The following ANKFN1 variants were observed in gnomAD, a reference collection of about 807,000 sequenced individuals.
ANKFN1 encodes ankyrin repeat and fibronectin type-III domain-containing protein 1.
ANKFN1 carries 74 observed loss-of-function variants against 108.7 expected under a neutral mutation model. The ratio of observed to expected loss-of-function variants is 0.68; its 90% confidence interval spans 0.56 to 0.83. The LOEUF is 0.83. Ranked by LOEUF, ANKFN1 falls within the 40% of genes least tolerant of loss-of-function variation. The pLI is 0.00. For synonymous variants in ANKFN1, 547 were observed against 516.2 expected (o/e 1.06, Z -0.81); for missense variants, 1,505 against 1,382.3 (o/e 1.09, Z -1.41).
intron 1 of ANKFN1, among the ~76,000 whole-genome samples, chr17:56,180,986 A>G (rs1028328570): frequency 2.6e-5 from 4 of 152,286 alleles, no homozygotes; most frequent in East Asian, 1.9e-4. Flanking sequence ...GTTGCCTTAC[A>G]TTATGTGTAG....
chr17:56,430,693 A>T (rs944531287), intron 8 of ANKFN1, among the ~76,000 whole-genome samples: 1 of 152,210 alleles, frequency 6.6e-6, no homozygotes, highest in East Asian at 1.9e-4. Context: ...CATCAATTCC[A>T]AAAGTATTTA....
intron 3 of ANKFN1, among the ~76,000 whole-genome samples, chr17:56,317,524 A>T (rs62075285): frequency 0.11 from 17,138 of 152,246 alleles, 1,036 homozygotes; most frequent in Middle Eastern, 0.17. Context: ...CATTTTTTTA[A>T]AAGAAGATGA....
intron 11 of ANKFN1, among the ~76,000 whole-genome samples, chr17:56,455,509 G>C (rs2049656408): frequency 6.6e-6 from 1 of 152,172 alleles, no homozygotes; most frequent in African/African-American, 2.4e-5. Flanking sequence ...CTCAGTCATG[G>C]GCCACCTGTC....
intron 16 of ANKFN1, 147 bp downstream of exon 16, chr17:56,477,801 G>T: frequency 3.8e-6 from 3 of 796,114 alleles, no homozygotes; most frequent in Non-Finnish European, 5.8e-6. Flanking sequence ...GTGGGGCAGA[G>T]CTTAGTTTTG....
intron 1 of ANKFN1, among the ~76,000 whole-genome samples, chr17:56,173,303 G>A (rs537322372): frequency 1.3e-5 from 2 of 152,174 alleles, no homozygotes; most frequent in South Asian, 2.1e-4. Flanking sequence ...TGTTCCCCCT[G>A]CATAGAATGT....
intron 3 of ANKFN1, among the ~76,000 whole-genome samples, chr17:56,273,992 C>T (rs1237658151): frequency 6.6e-6 from 1 of 152,178 alleles, no homozygotes; most frequent in African/African-American, 2.4e-5. Flanking sequence ...ATGACAGGTT[C>T]CCCAAGAGCC....
intron 4 of ANKFN1, among the ~76,000 whole-genome samples, chr17:56,114,804 A>G (rs1906166447): frequency 6.6e-6 from 1 of 152,232 alleles, no homozygotes; most frequent in Non-Finnish European, 1.5e-5. Context: ...AAGGGTCCTT[A>G]AAAGTGAAAG....
At chr17:56,449,445 A>G (rs545053276) in intron 11 of ANKFN1, among the ~76,000 whole-genome samples, 2 of 152,196 alleles carry the variant, frequency 1.3e-5, no homozygotes, top group African/African-American at 4.8e-5. Context: ...AGCAGCTGCC[A>G]TGAGTTCCCT....
chr17:56,094,190 A>G (rs922538549), intron 4 of ANKFN1, among the ~76,000 whole-genome samples: 2 of 150,888 alleles, frequency 1.3e-5, no homozygotes, highest in Non-Finnish European at 3.0e-5. Context: ...GAAGGAACCA[A>G]CCCTGCCCAC....
intron 3 of ANKFN1, among the ~76,000 whole-genome samples, chr17:56,229,867 C>T (rs1916595825): frequency 1.3e-5 from 2 of 151,964 alleles, no homozygotes; most frequent in Non-Finnish European, 2.9e-5. Flanking sequence ...AATGGGTCTA[C>T]CCAGCTCCCC....
At chr17:56,259,168 G>A (rs1467227499) in intron 3 of ANKFN1, among the ~76,000 whole-genome samples, 2 of 152,082 alleles carry the variant, frequency 1.3e-5, no homozygotes, top group African/African-American at 4.8e-5. Context: ...AAAATCATCA[G>A]CTATTGAATG....
chr17:56,384,419 A>G (rs2047199620), intron 8 of ANKFN1, among the ~76,000 whole-genome samples: 1 of 152,218 alleles, frequency 6.6e-6, no homozygotes, highest in Admixed American at 6.5e-5. Flanking sequence ...AAACTGGCAC[A>G]AGACAGGGAT....
chr17:56,372,126 C>T (rs1025994175), intron 6 of ANKFN1, among the ~76,000 whole-genome samples: 2 of 152,098 alleles, frequency 1.3e-5, no homozygotes, highest in Non-Finnish European at 2.9e-5. Flanking sequence ...CTAAGATGTA[C>T]GTACAAAAAT....
At chr17:56,089,801 G>A (rs1024925097) in intron 4 of ANKFN1, among the ~76,000 whole-genome samples, 3 of 151,248 alleles carry the variant, frequency 2.0e-5, no homozygotes, top group Admixed American at 6.6e-5. Context: ...CTGCAGCTTT[G>A]CTATTTACCA....
intron 4 of ANKFN1, among the ~76,000 whole-genome samples, chr17:56,104,719 C>T (rs1045329298): frequency 6.6e-6 from 1 of 152,130 alleles, no homozygotes; most frequent in Non-Finnish European, 1.5e-5. Flanking sequence ...TTGGCAGAGC[C>T]CTGTGCTTCT....
chr17:56,204,815 C>G (rs1433107472), intron 1 of ANKFN1, among the ~76,000 whole-genome samples: 2 of 152,124 alleles, frequency 1.3e-5, no homozygotes, highest in Non-Finnish European at 2.9e-5. Context: ...GTGGCTCACG[C>G]CCGTAATCCC....
chr17:56,137,179 A>G (rs1231511691), intron 4 of ANKFN1, among the ~76,000 whole-genome samples: 1 of 152,208 alleles, frequency 6.6e-6, no homozygotes, highest in Non-Finnish European at 1.5e-5. Flanking sequence ...ATAATGGGGG[A>G]AAAAGTGAAA....
rs1242962239 is a variant in ANKFN1, at chr17:56,510,729, C to G, written c.2901C>G (p.Ala967=). 1.3e-6 allele frequency: 2 copies of G among 1,536,026 alleles called. No homozygotes were observed. Among genetic ancestry groups the G allele is most frequent in the Admixed American group, 2.0e-5 (1 of 50,992 alleles). ...GEGPNPDHSC[A]EFLHSLTLTG... Reference sequence around the variant, plus strand: ...GCCCAAATCCCGATCACTCATGTGCCGAGTTTCTCCATAGCCTGACCCTCA... The same window carrying G: ...GCCCAAATCCCGATCACTCATGTGCGGAGTTTCTCCATAGCCTGACCCTCA... The change falls in exon 21 of 21, where the codon GCC becomes GCG. Residue 967 remains alanine (A), a synonymous_variant. Transcript: ENST00000682825.
chr17:56,116,607 C>T lies in ANKFN1; in HGVS notation c.288+70282C>T, dbSNP rs535472265. The stretch of plus-strand genomic sequence containing the variant: ...TTCTCTCTTTTGCCTCCTCTCTCAT[C>T]GGCTCCCCTTCACCTTCCACCATGA... On this transcript the variant is annotated intron_variant, in intron 4 of 12. Transcript: ENST00000635860. 4.6e-4 allele frequency among the ~76,000 whole-genome samples: 70 copies of T among 152,070 alleles called. 1 individual carries two copies. The highest frequency in any genetic ancestry group is 8.7e-4 in the Non-Finnish European group (59 of 67,992).
Sources: gnomAD v4.1 joint callset for allele counts (sites outside exome capture counted in the v4.1 genomes callset) on GRCh38, gnomAD v4.1.1 for gene constraint, MANE v1.5 for transcripts, NCBI Gene and HGNC (gene_info 2026-07-23, HGNC 2026-07-21) for gene names.